SLA: variants seen among roughly 807,000 people sequenced by gnomAD.
SLA encodes Src like adaptor, also known as src-like-adapter.
SLA carries 16 observed loss-of-function variants against 30.3 expected under a neutral mutation model. That is an observed-to-expected ratio of 0.53 (90% CI 0.36 to 0.80). The LOEUF is 0.80. Among genes scored for constraint, SLA ranks in the 30% least tolerant of loss-of-function variants. The pLI is 0.01. For synonymous variants in SLA, 143 were observed against 137.8 expected (o/e 1.04, Z -0.26); for missense variants, 310 against 345.2 (o/e 0.90, Z 0.81).
chr8:133,067,916 A>AAGGAAGGAAGG lies in SLA; in HGVS notation c.-41+6936_-41+6937insCCTTCCTTCCT, dbSNP rs1491304237. Among the ~76,000 whole-genome samples the AAGGAAGGAAGG allele has an allele frequency of 4.4e-4, 40 of 91,934 alleles. 1 individual carries two copies. Among genetic ancestry groups the AAGGAAGGAAGG allele is most frequent in the African/African-American group, 1.5e-3 (37 of 24,550 alleles). The allele number at this position is 91,934 out of a possible 152,430, so 60.3% of individuals were successfully genotyped here. On this transcript the variant is annotated intron_variant, in intron 2 of 8. Transcript: ENST00000338087. ...TATGGAAGGAAGGAAGGAAGGAAGG[A>AAGGAAGGAAGG]AAGAGAGAGAGAGAGAAAGAAAGAA...
chr8:133,098,848 A>G (rs1011996700), intron 1 of SLA, among the ~76,000 whole-genome samples: 3 of 152,118 alleles, frequency 2.0e-5, no homozygotes, highest in Non-Finnish European at 2.9e-5. Flanking sequence ...GTTCATTGTG[A>G]GAGGGATGAC....
intron 1 of SLA, among the ~76,000 whole-genome samples, chr8:133,092,877 ACTTT>A (rs1847788854): frequency 2.0e-5 from 3 of 152,248 alleles, no homozygotes; most frequent in Non-Finnish European, 4.4e-5. Flanking sequence ...TAAACAAAAT[ACTTT>A]AAGAGAAAGA....
intron 2 of SLA, among the ~76,000 whole-genome samples, chr8:133,065,654 C>T (rs1842934308): frequency 6.6e-6 from 1 of 151,996 alleles, no homozygotes; most frequent in South Asian, 2.1e-4. Flanking sequence ...CCCAACTACT[C>T]AGGAGGCTGA....
At chr8:133,060,072 A>C (rs761938183) in intron 3 of SLA, 28 bp downstream of exon 3, 1 of 1,560,108 alleles carries the variant, frequency 6.4e-7, no homozygotes, top group Non-Finnish European at 8.6e-7. Context: ...CACAGACTCA[A>C]GCATCTCACC....
At chr8:133,057,786 A>C (rs1841726730) in intron 3 of SLA, among the ~76,000 whole-genome samples, 3 of 151,926 alleles carry the variant, frequency 2.0e-5, no homozygotes, top group African/African-American at 4.8e-5. Flanking sequence ...AAAAAAAAAA[A>C]ACAAAAAAAC....
At chr8:133,080,186 T>G (rs937198313) in intron 1 of SLA, among the ~76,000 whole-genome samples, 2 of 152,114 alleles carry the variant, frequency 1.3e-5, no homozygotes, top group African/African-American at 4.8e-5. Flanking sequence ...AGGACATAAC[T>G]GGTACAAAAG....
intron 2 of SLA, among the ~76,000 whole-genome samples, chr8:133,064,903 G>A (rs981166676): frequency 2.6e-5 from 4 of 152,128 alleles, no homozygotes; most frequent in Admixed American, 2.6e-4. Context: ...CCTTTATCGT[G>A]CACCGAAGGG....
intron 3 of SLA, among the ~76,000 whole-genome samples, chr8:133,053,944 T>G (rs1450408926): frequency 1.3e-5 from 2 of 152,272 alleles, no homozygotes; most frequent in East Asian, 3.9e-4. Context: ...TGCAAGAGAT[T>G]TCACCTCTCT....
intron 1 of SLA, among the ~76,000 whole-genome samples, chr8:133,083,792 G>A (rs138462979): frequency 2.0e-5 from 3 of 152,162 alleles, no homozygotes; most frequent in East Asian, 1.9e-4. Context: ...GCAGGCTCAC[G>A]GACTCACATG....
In SLA at chr8:133,063,255, C is replaced by G. The variant is rs1324590955; in HGVS notation, c.-40-3055G>C. Among the ~76,000 whole-genome samples, 3 of 150,228 alleles carry G rather than the reference C, an allele frequency of 2.0e-5. No individual in the cohort carries two copies. The Admixed American group carries it at 2.0e-4, about 10-fold the overall frequency. ...CCCATAAGTTCCACCCCTCCAGATG[C>G]CAGGGTGCCCCCAGCCCTGCCAGCC... is the stretch of plus-strand genomic sequence containing the variant. On this transcript the variant is annotated intron_variant, in intron 2 of 8. Transcript: ENST00000338087.
At chr8:133,066,794 A>G (rs1843097029) in intron 2 of SLA, among the ~76,000 whole-genome samples, 1 of 152,224 alleles carries the variant, frequency 6.6e-6, no homozygotes, top group African/African-American at 2.4e-5. Flanking sequence ...TGAGGTTGAA[A>G]TTATGGGTCA....
intron 1 of SLA, among the ~76,000 whole-genome samples, chr8:133,083,996 T>G (rs1476630403): frequency 2.0e-5 from 3 of 152,146 alleles, no homozygotes; most frequent in African/African-American, 7.2e-5. Context: ...CCCTGATCTC[T>G]CCCACCTTCT....
intron 1 of SLA, among the ~76,000 whole-genome samples, chr8:133,094,249 T>C (rs1373613593): frequency 5.3e-5 from 8 of 150,514 alleles, no homozygotes; most frequent in East Asian, 1.9e-4. Flanking sequence ...TTTCTTTTTT[T>C]TTTTTTTTTT....
chr8:133,057,780 A>AC (rs911881236), intron 3 of SLA, among the ~76,000 whole-genome samples: 28 of 152,084 alleles, frequency 1.8e-4, no homozygotes, highest in South Asian at 8.3e-4. Flanking sequence ...AAAACAAAAA[A>AC]AAAAAAACAA....
At chr8:133,038,787 T>C (rs771000463) in intron 8 of SLA, 50 bp from the exon 9 acceptor site, 50 of 1,318,056 alleles carry the variant, frequency 3.8e-5, no homozygotes, top group African/African-American at 1.2e-4. Context: ...AAGAGAGTCA[T>C]AGAGAGAGGA....
In SLA at chr8:133,045,231, G is replaced by A. The variant is rs16904808; in HGVS notation, c.353-116C>T. 5,194 of 1,037,756 alleles carry A rather than the reference G, an allele frequency of 5.0e-3. 173 individuals are homozygous for A. The African/African-American group carries it at 0.071, about 14-fold the overall frequency. 64.3% of individuals were successfully genotyped at this position (1,037,756 alleles called of 1,614,324 possible). On this transcript the variant is annotated intron_variant, in intron 6 of 8. Transcript: ENST00000338087. Reference sequence around the variant, plus strand: ...ACCTGCCCACCCTTGGGATACAACAGTGATGCTAGGATGCAGCCCCTCCCT... The same window carrying A: ...ACCTGCCCACCCTTGGGATACAACAATGATGCTAGGATGCAGCCCCTCCCT...
chr8:133,067,415 G>A (rs1843191590), intron 2 of SLA, among the ~76,000 whole-genome samples: 1 of 152,184 alleles, frequency 6.6e-6, no homozygotes, highest in South Asian at 2.1e-4. Context: ...GAGAGGACAT[G>A]CAACTCCTAG....
chr8:133,044,566 A>G (rs149494891), intron 7 of SLA, among the ~76,000 whole-genome samples: 1 of 152,314 alleles, frequency 6.6e-6, no homozygotes, highest in Non-Finnish European at 1.5e-5. Flanking sequence ...GCTAACTCCT[A>G]TAGCTTCATC....
intron 7 of SLA, chr8:133,040,462 C>T (rs1417167619): frequency 3.5e-6 from 1 of 286,136 alleles, no homozygotes; most frequent in Admixed American, 4.6e-5. Flanking sequence ...TTCCTTTCTT[C>T]AACTGCAGAA....
Sources: allele counts gnomAD v4.1 joint callset (sites outside exome capture counted in the v4.1 genomes callset), GRCh38; gene constraint gnomAD v4.1.1; transcripts MANE v1.5; gene names NCBI Gene and HGNC (gene_info 2026-07-23, HGNC 2026-07-21).